Variants in DHX8 observed in about 807,000 individuals in gnomAD.
DHX8 encodes ATP-dependent RNA helicase DHX8.
Under a neutral mutation model 140.7 loss-of-function variants are expected in DHX8, and 67 were observed. The observed-to-expected ratio is 0.48, with a 90% CI of 0.39 to 0.58. DHX8 has a LOEUF of 0.58. Ranked by LOEUF, DHX8 falls within the 20% of genes least tolerant of loss-of-function variation. The probability of loss-of-function intolerance (pLI) is 0.00; values close to 1 mark genes in which losing one functional copy is unlikely to be tolerated. For synonymous variants in DHX8, 533 were observed against 553.2 expected, an observed-to-expected ratio of 0.96 and a Z score of 0.51; for missense variants, 887 against 1,550.7, an observed-to-expected ratio of 0.57 and a Z score of 7.19.
At chr17:43,501,907 A>T (rs1272809777) in intron 11 of DHX8, among the ~76,000 whole-genome samples, 2 of 152,180 alleles carry the variant, frequency 1.3e-5, no homozygotes, top group Non-Finnish European at 2.9e-5. Flanking sequence ...GAAAGCTTTT[A>T]TGAAGAGAGA....
chr17:43,493,648 G>A, intron 7 of DHX8, 35 bp from the exon 8 acceptor site: 3 of 1,614,042 alleles, frequency 1.9e-6, no homozygotes, highest in Non-Finnish European at 1.7e-6. Flanking sequence ...GAAGAGGACA[G>A]CAAGTGAGAC....
intron 9 of DHX8, among the ~76,000 whole-genome samples, chr17:43,498,551 G>C (rs190814711): frequency 6.6e-6 from 1 of 151,952 alleles, no homozygotes; most frequent in African/African-American, 2.4e-5. Flanking sequence ...CTGGGTGCAA[G>C]CTATTCTCCT....
chr17:43,520,441 T>C (rs897201164), intron 19 of DHX8, among the ~76,000 whole-genome samples, 174 bp downstream of exon 19: 1 of 152,240 alleles, frequency 6.6e-6, no homozygotes, highest in African/African-American at 2.4e-5. Flanking sequence ...TTCTTCTTTA[T>C]ACAAAAAGGT....
intron 2 of DHX8, among the ~76,000 whole-genome samples, chr17:43,489,752 G>A (rs568721734): frequency 2.4e-4 from 37 of 151,978 alleles, no homozygotes; most frequent in Admixed American, 1.2e-3. Flanking sequence ...CACCATGCCC[G>A]GCTAATTTTT....
chr17:43,496,097 C>CA (rs1598132142), intron 8 of DHX8, 84 bp from the exon 9 acceptor site: 6 of 1,073,294 alleles, frequency 5.6e-6, no homozygotes, highest in Non-Finnish European at 8.4e-6. Flanking sequence ...GATCCTGTCT[C>CA]AAAAAAACAA....
intron 5 of DHX8, 51 bp downstream of exon 5, chr17:43,492,343 G>A: frequency 4.0e-6 from 6 of 1,486,432 alleles, no homozygotes; most frequent in Non-Finnish European, 5.6e-6. Flanking sequence ...TGTGACAGTT[G>A]AATATTATGG....
At chr17:43,492,589 A>T in intron 5 of DHX8, 92 bp from the exon 6 acceptor site, 1 of 738,212 alleles carries the variant, frequency 1.4e-6, no homozygotes, top group Non-Finnish European at 2.3e-6. Flanking sequence ...GTGGGTACCT[A>T]CCATGTGCAT....
chr17:43,535,705 C>T (rs926681674), intron 2 of DHX8, among the ~76,000 whole-genome samples: 1 of 152,226 alleles, frequency 6.6e-6, no homozygotes, highest in Non-Finnish European at 1.5e-5. Flanking sequence ...TCTCTATCCA[C>T]TAGACACCAG....
chr17:43,503,115 C>T (rs141601147), intron 11 of DHX8, among the ~76,000 whole-genome samples: 3 of 152,264 alleles, frequency 2.0e-5, no homozygotes, highest in African/African-American at 7.2e-5. Context: ...GTAATCCCAG[C>T]ACTTTGGGAG....
At chr17:43,530,500 G>C, downstream of DHX8, 1 of 1,198,874 alleles carries the variant, frequency 8.3e-7, no homozygotes, top group Non-Finnish European at 1.1e-6. Flanking sequence ...GAGGAGGGAG[G>C]GTGAGATGAA....
At chr17:43,509,808 A>G (rs1238454053) in intron 16 of DHX8, among the ~76,000 whole-genome samples, 2 of 151,938 alleles carry the variant, frequency 1.3e-5, no homozygotes, top group Non-Finnish European at 2.9e-5. Context: ...AGCTGGGACT[A>G]TAAGCACCCA....
intron 8 of DHX8, among the ~76,000 whole-genome samples, chr17:43,495,792 T>G (rs552454368): frequency 6.6e-6 from 1 of 152,176 alleles, no homozygotes; most frequent in Non-Finnish European, 1.5e-5. Flanking sequence ...CCTCTGTAAT[T>G]AACTCTCCTA....
chr17:43,527,680 T>C (rs188688314), downstream of DHX8, among the ~76,000 whole-genome samples: 1 of 152,322 alleles, frequency 6.6e-6, no homozygotes, highest in African/African-American at 2.4e-5. Context: ...ATTAAGCCCA[T>C]TTTTCAGAAG....
chr17:43,498,720 A>T, intron 9 of DHX8, 142 bp from the exon 10 acceptor site: 1 of 574,314 alleles, frequency 1.7e-6, no homozygotes. Context: ...AAGTGCTGAG[A>T]TTACAGGCGT....
chr17:43,538,727 A>G (rs1971368253), intron 3 of DHX8, among the ~76,000 whole-genome samples: 1 of 152,166 alleles, frequency 6.6e-6, no homozygotes, highest in Non-Finnish European at 1.5e-5. Context: ...GACACCAAGA[A>G]GAACTTCCTG....
chr17:43,530,869 C>T (rs1199128228), downstream of DHX8, among the ~76,000 whole-genome samples: 1 of 151,972 alleles, frequency 6.6e-6, no homozygotes, highest in Non-Finnish European at 1.5e-5. Flanking sequence ...GATGGTGAAA[C>T]ATGACACCTC....
chr17:43,521,214 C>T (rs1029964023), intron 20 of DHX8, among the ~76,000 whole-genome samples, 155 bp from the exon 21 acceptor site: 5 of 152,052 alleles, frequency 3.3e-5, no homozygotes, highest in African/African-American at 1.2e-4. Flanking sequence ...CCTCTTGCCT[C>T]AGTTTCCCAA....
chr17:43,489,513 C>A lies in DHX8; in HGVS notation c.213C>A (p.Val71=). The A allele has an allele frequency of 6.2e-7, 1 of 1,607,796 alleles. No individual in the cohort carries two copies. The highest frequency in any genetic ancestry group is 8.5e-7 in the Non-Finnish European group (1 of 1,177,386). The change falls in exon 2 of 23, where the codon GTC becomes GTA. Residue 71 remains valine, a synonymous_variant. Transcript: ENST00000262415. ...TTGATACTTTTAAGGCTTCTCTCGT[C>A]AAAAATGGTGCAGAATTTACGGTAT... ...TTFDTFKASL[V]KNGAEFTDSL...
At chr17:43,525,826 G>C, downstream of DHX8, 1 of 985,324 alleles carries the variant, frequency 1.0e-6, no homozygotes, top group Non-Finnish European at 1.2e-6. Flanking sequence ...TGGATATAGT[G>C]GCCCAGCCTG....
Sources: gnomAD v4.1 joint callset for allele counts (sites outside exome capture counted in the v4.1 genomes callset) on GRCh38, gnomAD v4.1.1 for gene constraint, MANE v1.5 for transcripts, NCBI Gene and HGNC (gene_info 2026-07-23, HGNC 2026-07-21) for gene names.